Variants in TMEM163 observed in about 807,000 individuals in gnomAD.
TMEM163 encodes the protein transmembrane protein 163.
TMEM163 carries 17 observed loss-of-function variants against 29.3 expected under a neutral mutation model. The ratio of observed to expected loss-of-function variants is 0.58; its 90% CI spans 0.40 to 0.87. TMEM163 has a LOEUF of 0.87. Ranked by LOEUF, TMEM163 falls within the 40% of genes least tolerant of loss-of-function variation. TMEM163 has a pLI of 0.00. For synonymous variants in TMEM163, 157 were observed against 160.6 expected (o/e 0.98, Z 0.17); for missense variants, 303 against 381.5 (o/e 0.79, Z 1.71).
chr2:134,484,415 A>C (rs1679268066), intron 5 of TMEM163, among the ~76,000 whole-genome samples: 1 of 152,190 alleles, frequency 6.6e-6, no homozygotes, highest in Non-Finnish European at 1.5e-5. Flanking sequence ...ATGGTGGCTT[A>C]CACCCATAAT....
At chr2:134,650,897 T>C (rs1226374791) in intron 2 of TMEM163, among the ~76,000 whole-genome samples, 4 of 132,442 alleles carry the variant, frequency 3.0e-5, no homozygotes, top group Non-Finnish European at 6.1e-5. Flanking sequence ...GGCTGCATTG[T>C]ATTCCATGGT....
At chr2:134,704,969 G>A (rs1259522396) in intron 2 of TMEM163, among the ~76,000 whole-genome samples, 2 of 152,136 alleles carry the variant, frequency 1.3e-5, no homozygotes, top group African/African-American at 2.4e-5. Flanking sequence ...AGTACCTTGG[G>A]AGGCTGAGTG....
chr2:134,546,298 C>T (rs1437429593), intron 4 of TMEM163, among the ~76,000 whole-genome samples: 1 of 152,118 alleles, frequency 6.6e-6, no homozygotes, highest in African/African-American at 2.4e-5. Context: ...AAATGTCCAT[C>T]GATGGATGAA....
At chr2:134,657,678 C>G (rs1683650584) in intron 2 of TMEM163, among the ~76,000 whole-genome samples, 1 of 152,204 alleles carries the variant, frequency 6.6e-6, no homozygotes, top group Non-Finnish European at 1.5e-5. Context: ...TGGCGCATGC[C>G]TGTAATCCGA....
At chr2:134,574,987 G>A (rs1681517801) in intron 2 of TMEM163, among the ~76,000 whole-genome samples, 1 of 150,536 alleles carries the variant, frequency 6.6e-6, no homozygotes, top group African/African-American at 2.4e-5. Flanking sequence ...TAACTGTATG[G>A]TAGAGAAGGC....
intron 2 of TMEM163, among the ~76,000 whole-genome samples, chr2:134,700,913 A>C (rs916312767): frequency 3.6e-5 from 4 of 110,818 alleles, no homozygotes; most frequent in Non-Finnish European, 5.4e-5. Context: ...AAAATACATA[A>C]ATAAATAAAT....
At chr2:134,618,321 G>C (rs1682656423) in intron 2 of TMEM163, among the ~76,000 whole-genome samples, 1 of 151,998 alleles carries the variant, frequency 6.6e-6, no homozygotes, top group Non-Finnish European at 1.5e-5. Flanking sequence ...GGTAAAGAGG[G>C]ATATTTCATA....
chr2:134,610,964 G>A (rs1490455539), intron 2 of TMEM163, among the ~76,000 whole-genome samples: 3 of 151,854 alleles, frequency 2.0e-5, no homozygotes, highest in Non-Finnish European at 2.9e-5. Context: ...TTGAAGAGAC[G>A]GGTCAGCAGC....
intron 4 of TMEM163, among the ~76,000 whole-genome samples, chr2:134,536,919 G>A (rs1172010618): frequency 1.3e-5 from 2 of 152,200 alleles, no homozygotes; most frequent in Non-Finnish European, 2.9e-5. Flanking sequence ...ATTATCAGCA[G>A]ATGATCACAG....
Position 134,456,864 on chromosome 2 carries a change from A to C in TMEM163, c.810-88T>G. The C allele has an allele frequency of 2.3e-6, 3 of 1,325,960 alleles. No homozygotes were observed. In the South Asian group the frequency reaches 3.8e-5, roughly 17 times the overall value. 82.1% of individuals were successfully genotyped at this position (1,325,960 alleles called of 1,614,324 possible). ...GTATTTTCATTTTTTTTTTCCTGAG[A>C]TAATTCACATACCATAAAATTCACC... On this transcript the variant is annotated intron_variant, in intron 7 of 7. Transcript: ENST00000281924.
intron 2 of TMEM163, among the ~76,000 whole-genome samples, chr2:134,643,631 T>C (rs1683267566): frequency 1.3e-5 from 2 of 151,976 alleles, no homozygotes; most frequent in East Asian, 1.9e-4. Context: ...TCACATCAAT[T>C]GACAATTGTC....
chr2:134,711,263 A>G (rs780890670), intron 2 of TMEM163, among the ~76,000 whole-genome samples: 1 of 152,204 alleles, frequency 6.6e-6, no homozygotes, highest in African/African-American at 2.4e-5. Flanking sequence ...CAGCAACCCT[A>G]ACAACACAAT....
chr2:134,562,078 AC>A (rs1681195706), intron 2 of TMEM163, among the ~76,000 whole-genome samples: 1 of 152,210 alleles, frequency 6.6e-6, no homozygotes, highest in African/African-American at 2.4e-5. Context: ...TATGTTAAAT[AC>A]CTGTGAGGTT....
chr2:134,469,401 G>T (rs1686742194), intron 5 of TMEM163: 1 of 152,156 alleles, frequency 6.6e-6, no homozygotes, highest in Admixed American at 6.5e-5. Flanking sequence ...CTCTGGGCAG[G>T]TCACTTAACC....
chr2:134,657,807 AAT>A (rs1491285556), intron 2 of TMEM163, among the ~76,000 whole-genome samples: 1 of 146,000 alleles, frequency 6.8e-6, no homozygotes, highest in Non-Finnish European at 1.5e-5. Flanking sequence ...CCATCTCAAA[AAT>A]AAAAAATAAA....
At chr2:134,670,301 C>T (rs999710534) in intron 2 of TMEM163, among the ~76,000 whole-genome samples, 3 of 152,124 alleles carry the variant, frequency 2.0e-5, no homozygotes, top group Admixed American at 6.5e-5. Context: ...AAGAATTTCA[C>T]AATACCTCTT....
chr2:134,674,499 G>GCGCA (rs1684066234), intron 2 of TMEM163, among the ~76,000 whole-genome samples: 2 of 88,006 alleles, frequency 2.3e-5, no homozygotes, highest in African/African-American at 1.2e-4. Context: ...GCGCGCGCGC[G>GCGCA]CGCGCGCGCG....
intron 5 of TMEM163, chr2:134,469,650 C>G (rs1686749490): frequency 6.6e-6 from 1 of 151,760 alleles, no homozygotes. Flanking sequence ...TGTGGCTCCA[C>G]GGGCTCGCCC....
At position 134,632,258 on chromosome 2, in the gene TMEM163, G is replaced by C. The variant is rs78577870; in HGVS notation, c.323-80167C>G. Among the ~76,000 whole-genome samples the C allele has an allele frequency of 6.7e-3, 1,025 of 152,334 alleles. 15 individuals carry two copies. Among genetic ancestry groups the C allele is most frequent in the African/African-American group, 0.024 (979 of 41,582 alleles). On this transcript the variant is annotated intron_variant, in intron 2 of 7. Transcript: ENST00000281924. ...GGCAATGAGCTAGCAAGAAAAACCA[G>C]AGGCCATAGAAGGGAAGGCTTTGTG...
Sources: allele counts gnomAD v4.1 joint callset (sites outside exome capture counted in the v4.1 genomes callset), GRCh38; gene constraint gnomAD v4.1.1; transcripts MANE v1.5; gene names NCBI Gene and HGNC (gene_info 2026-07-23, HGNC 2026-07-21).